Variants in PTPN22 observed in about 807,000 individuals in gnomAD.
PTPN22 encodes the protein protein tyrosine phosphatase non-receptor type 22.
PTPN22 carries 85 observed loss-of-function variants against 103.3 expected under a neutral mutation model. The observed-to-expected ratio is 0.82, with a 90% CI of 0.69 to 0.99. The LOEUF is 0.99. PTPN22 is among the 50% of genes least tolerant of loss of function. The pLI is 0.00. For missense variants in PTPN22, 865 were observed against 936.9 expected (o/e 0.92, Z 1.00); for synonymous variants, 323 against 310.2 (o/e 1.04, Z -0.43).
At chr1:113,850,929 C>T (rs1664516745) in intron 10 of PTPN22, among the ~76,000 whole-genome samples, 1 of 152,158 alleles carries the variant, frequency 6.6e-6, no homozygotes, top group Non-Finnish European at 1.5e-5. Context: ...ATACACGTTT[C>T]ATGAATGAAT....
intron 1 of PTPN22, among the ~76,000 whole-genome samples, chr1:113,862,828 A>G (rs1264453372): frequency 6.6e-6 from 1 of 152,174 alleles, no homozygotes; most frequent in Non-Finnish European, 1.5e-5. Context: ...TACAAGTGGT[A>G]AGGAATGGCA....
At chr1:113,834,828 G>C (rs1662841193) in intron 14 of PTPN22, 82 bp downstream of exon 14, 8 of 1,141,930 alleles carry the variant, frequency 7.0e-6, no homozygotes, top group Non-Finnish European at 1.0e-5. Flanking sequence ...TCACACATCA[G>C]CTTCCCAAAG....
At chr1:113,849,856 G>A (rs569013317) in intron 10 of PTPN22, among the ~76,000 whole-genome samples, 4 of 152,040 alleles carry the variant, frequency 2.6e-5, no homozygotes, top group Non-Finnish European at 4.4e-5. Context: ...CCCAAAGTGC[G>A]GAGATTATAG....
At chr1:113,846,928 T>C (rs1571411143) in intron 11 of PTPN22, among the ~76,000 whole-genome samples, 1 of 152,116 alleles carries the variant, frequency 6.6e-6, no homozygotes, top group Non-Finnish European at 1.5e-5. Context: ...ATGATGTATC[T>C]TCCAGTACTT....
chr1:113,863,981 C>T (rs1303855349), intron 1 of PTPN22, among the ~76,000 whole-genome samples: 3 of 149,656 alleles, frequency 2.0e-5, no homozygotes, highest in Non-Finnish European at 4.4e-5. Flanking sequence ...TGCAGTGGCG[C>T]GATCTCGGCT....
intron 8 of PTPN22, among the ~76,000 whole-genome samples, 165 bp downstream of exon 8, chr1:113,854,742 T>C (rs1664899010): frequency 6.6e-6 from 1 of 152,238 alleles, no homozygotes; most frequent in African/African-American, 2.4e-5. Flanking sequence ...TCTAGAACTG[T>C]ACTACTCACA....
chr1:113,845,428 C>T (rs1258648280), intron 11 of PTPN22, among the ~76,000 whole-genome samples: 1 of 152,038 alleles, frequency 6.6e-6, no homozygotes, highest in African/African-American at 2.4e-5. Context: ...GTCTCAAATT[C>T]CTGACCTCAT....
At chr1:113,815,070 C>CT in intron 20 of PTPN22, 101 bp from the exon 21 acceptor site, 1 of 836,492 alleles carries the variant, frequency 1.2e-6, no homozygotes, top group Non-Finnish European at 1.9e-6. Context: ...AATACATGGT[C>CT]TTTTTTTAAA....
chr1:113,817,841 T>C (rs17031885), intron 20 of PTPN22, among the ~76,000 whole-genome samples: 1,842 of 152,272 alleles, frequency 0.012, 48 homozygotes, highest in African/African-American at 0.043. Flanking sequence ...ATGTAGACTG[T>C]TGTTAAGCTA....
intron 4 of PTPN22, 106 bp from the exon 5 acceptor site, chr1:113,857,882 T>A: frequency 9.3e-7 from 1 of 1,075,210 alleles, no homozygotes. Context: ...TTTTTTCTGT[T>A]TTGTCGTTTT....
intron 19 of PTPN22, among the ~76,000 whole-genome samples, chr1:113,820,287 C>G (rs1316020324): frequency 6.6e-6 from 1 of 151,970 alleles, no homozygotes; most frequent in African/African-American, 2.4e-5. Context: ...AACCCCGTCT[C>G]TACTAAAAAT....
chr1:113,859,403 C>A, exon 2 of PTPN22: 4 of 1,613,984 alleles, frequency 2.5e-6, no homozygotes, highest in Non-Finnish European at 3.4e-6. Context: ...GGCTTCTCAG[C>A]CACAGTTGTA....
intron 1 of PTPN22, among the ~76,000 whole-genome samples, chr1:113,861,438 C>T (rs1665585635): frequency 6.6e-6 from 1 of 152,124 alleles, no homozygotes; most frequent in Non-Finnish European, 1.5e-5. Flanking sequence ...GACGGGGTTT[C>T]ACCATGTTGG....
chr1:113,857,725 G>A lies in PTPN22; in HGVS notation c.408+13C>T. On this transcript the variant is annotated intron_variant, in intron 5 of 20. Transcript: ENST00000359785. Reference sequence around the variant, plus strand: ...TTTGTTTTAAGGTCAGCAGGTACTAGAAAGTAACTTACCTTTCCCATTTCA... The same window carrying A: ...TTTGTTTTAAGGTCAGCAGGTACTAAAAAGTAACTTACCTTTCCCATTTCA... 1 of 1,609,400 alleles carries A rather than the reference G, an allele frequency of 6.2e-7. No individual in the cohort carries two copies. Among genetic ancestry groups the A allele is most frequent in the Non-Finnish European group, 8.5e-7 (1 of 1,176,658 alleles).
intron 1 of PTPN22, among the ~76,000 whole-genome samples, chr1:113,859,851 C>G (rs1371769042): frequency 1.3e-5 from 2 of 151,642 alleles, no homozygotes; most frequent in Non-Finnish European, 2.9e-5. Context: ...TTCTATTAGT[C>G]TTTTTACTTC....
At chr1:113,832,941 A>G in intron 16 of PTPN22, 170 bp downstream of exon 16, 1 of 611,652 alleles carries the variant, frequency 1.6e-6, no homozygotes, top group Non-Finnish European at 2.8e-6. Context: ...TCCTGTCTTC[A>G]CCTTGCTCTT....
chr1:113,864,770 G>A (rs1571477470), intron 1 of PTPN22, among the ~76,000 whole-genome samples: 1 of 152,170 alleles, frequency 6.6e-6, no homozygotes. Context: ...AAATTAGCCG[G>A]GCATGGTGAC....
intron 10 of PTPN22, among the ~76,000 whole-genome samples, chr1:113,850,176 G>A (rs1423481993): frequency 6.7e-6 from 1 of 150,118 alleles, no homozygotes; most frequent in Admixed American, 6.7e-5. Flanking sequence ...CAGCCTGAGT[G>A]ACAGTGTGAA....
chr1:113,858,873 A>G, intron 3 of PTPN22, 129 bp downstream of exon 3: 1 of 1,430,432 alleles, frequency 7.0e-7, no homozygotes, highest in Non-Finnish European at 9.3e-7. Context: ...TCTTGCGTTC[A>G]AGTGATCTTT....
Sources: allele counts gnomAD v4.1 joint callset (sites outside exome capture counted in the v4.1 genomes callset), GRCh38; gene constraint gnomAD v4.1.1; transcripts MANE v1.5; gene names NCBI Gene and HGNC (gene_info 2026-07-23, HGNC 2026-07-21).